EPHA3: variants seen among roughly 807,000 people sequenced by gnomAD.
The protein encoded by EPHA3 is EPH receptor A3, also known as ephrin type-A receptor 3.
EPHA3 carries 42 observed loss-of-function variants against 107.1 expected under a neutral mutation model. That is an observed-to-expected ratio of 0.39 (90% confidence interval 0.31 to 0.51). EPHA3 has a LOEUF of 0.51. EPHA3 is among the 20% of genes least tolerant of loss of function. EPHA3 has a pLI of 0.78. For synonymous variants in EPHA3, 461 were observed against 424.8 expected, an observed-to-expected ratio of 1.09 and a Z score of -1.05; for missense variants, 1,183 against 1,211.2, an observed-to-expected ratio of 0.98 and a Z score of 0.35.
intron 11 of EPHA3, among the ~76,000 whole-genome samples, chr3:89,422,721 G>T (rs939579633): frequency 6.6e-6 from 1 of 151,108 alleles, no homozygotes; most frequent in Non-Finnish European, 1.5e-5. Flanking sequence ...TTCTTTTTTT[G>T]CTCAAAGATA....
intron 3 of EPHA3, among the ~76,000 whole-genome samples, chr3:89,268,479 A>T (rs1389367644): frequency 3.9e-5 from 6 of 152,010 alleles, no homozygotes; most frequent in Admixed American, 3.3e-4. Context: ...AAAAACTCCA[A>T]ATTTTATTTT....
intron 5 of EPHA3, among the ~76,000 whole-genome samples, chr3:89,379,630 G>A (rs143292921): frequency 6.6e-6 from 1 of 152,118 alleles, no homozygotes; most frequent in East Asian, 1.9e-4. Flanking sequence ...AGAAAACAAA[G>A]ACTGTGCTCT....
In EPHA3 at chr3:89,155,710, C is replaced by A. The variant is rs564829190; in HGVS notation, c.153+28437C>A. Among the ~76,000 whole-genome samples the A allele has an allele frequency of 8.5e-5, 13 of 152,088 alleles. No individual in the cohort carries two copies. The South Asian group carries it at 2.7e-3, about 32-fold the overall frequency. On this transcript the variant is annotated intron_variant, in intron 2 of 16. Coordinates refer to ENST00000336596, the MANE Select transcript of EPHA3 (RefSeq NM_005233.6). ...ACGTTTTAATAATGTTAACTTAAAA[C>A]TTAAAAATAAAACCACTTCTCATAT...
At chr3:89,384,639 G>A (rs77363515) in intron 5 of EPHA3, among the ~76,000 whole-genome samples, 1 of 152,042 alleles carries the variant, frequency 6.6e-6, no homozygotes, top group African/African-American at 2.4e-5. Flanking sequence ...CATTTTGAGG[G>A]TATCTTATGT....
chr3:89,226,246 T>A (rs1174025933), intron 3 of EPHA3, among the ~76,000 whole-genome samples: 1 of 152,078 alleles, frequency 6.6e-6, no homozygotes, highest in African/African-American at 2.4e-5. Flanking sequence ...CACATATAAA[T>A]TGGAGCTAAC....
intron 14 of EPHA3, 120 bp downstream of exon 14, chr3:89,449,494 A>C (rs750834401): frequency 9.6e-6 from 8 of 835,472 alleles, no homozygotes; most frequent in Non-Finnish European, 1.4e-5. Context: ...AATATTTAGC[A>C]GCAATGAAAC....
chr3:89,198,629 A>C (rs1275564675), intron 2 of EPHA3, among the ~76,000 whole-genome samples: 1 of 152,212 alleles, frequency 6.6e-6, no homozygotes, highest in East Asian at 1.9e-4. Context: ...GTGCTCTCAA[A>C]AATTACACTT....
chr3:89,294,647 A>AT (rs75328463), intron 3 of EPHA3, among the ~76,000 whole-genome samples: 35,902 of 151,996 alleles, frequency 0.24, 4,736 homozygotes, highest in African/African-American at 0.37. Flanking sequence ...CATATCAGGC[A>AT]TTTTAGTTTT....
intron 15 of EPHA3, among the ~76,000 whole-genome samples, chr3:89,459,551 TTTC>T (rs1019709341): frequency 2.6e-5 from 4 of 151,862 alleles, no homozygotes; most frequent in African/African-American, 9.7e-5. Flanking sequence ...CCTTTCTTTC[TTTC>T]TTGACAGTGT....
chr3:89,152,639 A>G (rs1414933282), intron 2 of EPHA3, among the ~76,000 whole-genome samples: 1 of 152,124 alleles, frequency 6.6e-6, no homozygotes, highest in African/African-American at 2.4e-5. Context: ...TTTAAAAAGA[A>G]CGTGCTTACA....
rs139016833 is a variant in EPHA3, at chr3:89,162,657, C to G, written c.153+35384C>G. Reference sequence around the variant, plus strand: ...ACCTGTGGAAAGGAAAGAAAGGAAGCAGGAATGGACAGAAGGTGAAGTGAA... The same window carrying G: ...ACCTGTGGAAAGGAAAGAAAGGAAGGAGGAATGGACAGAAGGTGAAGTGAA... On this transcript the variant is annotated intron_variant, in intron 2 of 16. Coordinates refer to ENST00000336596, the MANE Select transcript of EPHA3 (RefSeq NM_005233.6). Among the ~76,000 whole-genome samples the G allele has an allele frequency of 1.2e-3, 181 of 152,278 alleles. 1 individual carries two copies. The highest frequency in any genetic ancestry group is 3.8e-3 in the African/African-American group (157 of 41,574).
At chr3:89,243,818 G>C (rs1328065715) in intron 3 of EPHA3, among the ~76,000 whole-genome samples, 1 of 152,052 alleles carries the variant, frequency 6.6e-6, no homozygotes, top group Non-Finnish European at 1.5e-5. Flanking sequence ...CACTTGAACT[G>C]GTGGAGTTCT....
intron 3 of EPHA3, among the ~76,000 whole-genome samples, chr3:89,242,736 C>T (rs1178226409): frequency 6.6e-6 from 1 of 151,260 alleles, no homozygotes; most frequent in Non-Finnish European, 1.5e-5. Context: ...TGTGCCTGGC[C>T]TAGTATTTTC....
intron 5 of EPHA3, among the ~76,000 whole-genome samples, chr3:89,386,192 A>C (rs1372242920): frequency 6.6e-6 from 1 of 152,236 alleles, no homozygotes; most frequent in Non-Finnish European, 1.5e-5. Context: ...TGGCTGCATA[A>C]ATTTGCATAA....
At chr3:89,179,122 T>C (rs796258940) in intron 2 of EPHA3, among the ~76,000 whole-genome samples, 30 of 152,200 alleles carry the variant, frequency 2.0e-4, no homozygotes, top group African/African-American at 7.0e-4. Context: ...GTGTTATTTG[T>C]GTTTCTTGCA....
intron 1 of EPHA3, among the ~76,000 whole-genome samples, chr3:89,111,674 G>A (rs377047511): frequency 5.9e-5 from 9 of 152,132 alleles, no homozygotes; most frequent in East Asian, 5.8e-4. Context: ...GAATTGCTAC[G>A]ATAATATTTT....
At chr3:89,440,799 C>T (rs1709767848) in intron 13 of EPHA3, among the ~76,000 whole-genome samples, 1 of 152,304 alleles carries the variant, frequency 6.6e-6, no homozygotes, top group Admixed American at 6.5e-5. Context: ...ACCTGTAGCA[C>T]TTTATTCATC....
chr3:89,344,831 G>A (rs1707606432), intron 5 of EPHA3, among the ~76,000 whole-genome samples: 1 of 152,056 alleles, frequency 6.6e-6, no homozygotes, highest in Non-Finnish European at 1.5e-5. Flanking sequence ...AAATGATAAG[G>A]CACCTTTTAA....
intron 2 of EPHA3, among the ~76,000 whole-genome samples, chr3:89,165,251 A>C (rs1376368606): frequency 6.6e-6 from 1 of 152,228 alleles, no homozygotes; most frequent in African/African-American, 2.4e-5. Context: ...ACTTTCACTT[A>C]AAATAAGACA....
Sources: gnomAD v4.1 joint callset for allele counts (sites outside exome capture counted in the v4.1 genomes callset) on GRCh38, gnomAD v4.1.1 for gene constraint, MANE v1.5 for transcripts, NCBI Gene and HGNC (gene_info 2026-07-23, HGNC 2026-07-21) for gene names.